Variants in SORCS3 observed in about 807,000 individuals in gnomAD.
The protein encoded by SORCS3 is VPS10 domain-containing receptor SorCS3.
A neutral mutation model predicts 146.3 loss-of-function variants in SORCS3; 57 were observed. That is an observed-to-expected ratio of 0.39 (90% CI 0.31 to 0.49). The LOEUF is 0.49. Among genes scored for constraint, SORCS3 ranks in the 20% least tolerant of loss-of-function variants. SORCS3 has a pLI of 0.92. For synonymous variants in SORCS3, 653 were observed against 618.5 expected (o/e 1.06, Z -0.83); for missense variants, 1,341 against 1,575.5 (o/e 0.85, Z 2.52).
intron 3 of SORCS3, among the ~76,000 whole-genome samples, chr10:104,976,908 G>T (rs2054901482): frequency 6.6e-6 from 1 of 151,978 alleles, no homozygotes; most frequent in Non-Finnish European, 1.5e-5. Flanking sequence ...GGGGACTGTT[G>T]TGGGGTGGGG....
chr10:104,822,135 A>G (rs1190045914), intron 1 of SORCS3: 1 of 517,820 alleles, frequency 1.9e-6, no homozygotes, highest in Admixed American at 1.9e-5. Context: ...CAGGAATCTG[A>G]TCTGTCCTCA....
At chr10:105,099,052 T>C (rs755855477) in intron 6 of SORCS3, among the ~76,000 whole-genome samples, 1 of 152,204 alleles carries the variant, frequency 6.6e-6, no homozygotes, top group Non-Finnish European at 1.5e-5. Flanking sequence ...CTTTGTTTGT[T>C]TTTAGAATCG....
chr10:104,675,138 G>T (rs185645977), intron 1 of SORCS3, among the ~76,000 whole-genome samples: 2 of 152,042 alleles, frequency 1.3e-5, no homozygotes, highest in African/African-American at 4.8e-5. Context: ...TTTTTTTAAC[G>T]TTTTTCATTT....
chr10:105,087,654 A>G (rs1035896267), intron 5 of SORCS3, among the ~76,000 whole-genome samples: 1 of 152,222 alleles, frequency 6.6e-6, no homozygotes, highest in African/African-American at 2.4e-5. Flanking sequence ...TTCAGTAAAC[A>G]CTTCAGTATC....
chr10:105,259,489 G>A lies in SORCS3; in HGVS notation c.3443+2565G>A, dbSNP rs138269562. On this transcript the variant is annotated intron_variant, in intron 25 of 26. Coordinates refer to ENST00000369701, the MANE Select transcript of SORCS3 (RefSeq NM_014978.3). ...AGTGGTCACTTGACATAGAAAAAGA[G>A]AATAGAATTACTATGAGCCTCAAGC... Among the ~76,000 whole-genome samples, 429 of 152,310 alleles carry A rather than the reference G, an allele frequency of 2.8e-3. 1 individual carries two copies. Among genetic ancestry groups the A allele is most frequent in the Admixed American group, 3.7e-3 (56 of 15,300 alleles).
intron 20 of SORCS3, among the ~76,000 whole-genome samples, chr10:105,231,907 T>G (rs11192370): frequency 6.6e-6 from 1 of 152,128 alleles, no homozygotes; most frequent in Non-Finnish European, 1.5e-5. Context: ...AATTTGCTAA[T>G]GCTTTATTGA....
intron 20 of SORCS3, among the ~76,000 whole-genome samples, chr10:105,245,011 G>A (rs2056857069): frequency 6.7e-6 from 1 of 149,694 alleles, no homozygotes; most frequent in East Asian, 2.0e-4. Flanking sequence ...GGAGGTTGCA[G>A]TGAGCCGAGA....
At chr10:104,855,658 T>G (rs1220636069) in intron 2 of SORCS3, among the ~76,000 whole-genome samples, 2 of 152,182 alleles carry the variant, frequency 1.3e-5, no homozygotes, top group Non-Finnish European at 2.9e-5. Context: ...GGATTGTCTT[T>G]TGTGTGTTGA....
rs1554889718 is a variant in SORCS3 at position 105,244,274 on chromosome 10, A to AT, written c.2869-1268_2869-1267insT. 7.5e-4 allele frequency among the ~76,000 whole-genome samples: 113 copies of AT among 150,642 alleles called. 1 individual carries two copies. The highest frequency in any genetic ancestry group is 1.8e-3 in the East Asian group (9 of 5,130). ...AAGATTCTTCTTTCCAGGAAAAAAA[A>AT]ATATATATATATATATAATTAGAGC... On this transcript the variant is annotated intron_variant, in intron 20 of 26. Transcript: ENST00000369701.
At chr10:105,231,650 T>A (rs944430253) in intron 20 of SORCS3, among the ~76,000 whole-genome samples, 1 of 152,088 alleles carries the variant, frequency 6.6e-6, no homozygotes, top group Non-Finnish European at 1.5e-5. Flanking sequence ...TTGCTATAGG[T>A]TTTTTGTAGA....
chr10:104,713,640 A>G (rs568864136), intron 1 of SORCS3, among the ~76,000 whole-genome samples: 1 of 152,318 alleles, frequency 6.6e-6, no homozygotes, highest in African/African-American at 2.4e-5. Flanking sequence ...TCTGGGATAA[A>G]TCCCATTTGG....
intron 17 of SORCS3, among the ~76,000 whole-genome samples, chr10:105,212,132 A>G (rs978641368): frequency 3.3e-5 from 5 of 152,218 alleles, no homozygotes; most frequent in Non-Finnish European, 7.3e-5. Flanking sequence ...AGTTAGGTAG[A>G]TGTAGATAGG....
chr10:104,655,323 G>A (rs2133242686), intron 1 of SORCS3, among the ~76,000 whole-genome samples: 1 of 151,806 alleles, frequency 6.6e-6, no homozygotes, highest in South Asian at 2.1e-4. Flanking sequence ...TGTTATGTAG[G>A]TAAACTCATT....
intron 16 of SORCS3, among the ~76,000 whole-genome samples, chr10:105,203,138 G>C (rs529408820): frequency 2.4e-4 from 36 of 152,240 alleles, no homozygotes; most frequent in African/African-American, 8.2e-4. Flanking sequence ...AGCCAGAGGA[G>C]TGACTCTGCT....
chr10:105,222,529 C>G (rs1250750300), intron 19 of SORCS3, among the ~76,000 whole-genome samples: 1 of 152,190 alleles, frequency 6.6e-6, no homozygotes, highest in Non-Finnish European at 1.5e-5. Context: ...GGTTACCTTT[C>G]TGCAAGCAGA....
intron 4 of SORCS3, among the ~76,000 whole-genome samples, chr10:104,980,049 A>C (rs2054923566): frequency 6.6e-6 from 1 of 152,204 alleles, no homozygotes; most frequent in Non-Finnish European, 1.5e-5. Context: ...TCTCCACAGC[A>C]CTGAGAACAT....
chr10:104,907,209 A>G (rs977370030), intron 2 of SORCS3, among the ~76,000 whole-genome samples: 29 of 151,672 alleles, frequency 1.9e-4, no homozygotes, highest in Non-Finnish European at 4.1e-4. Flanking sequence ...TGTTCATATC[A>G]ACAGAGATGC....
chr10:104,806,032 G>C (rs768503399), intron 1 of SORCS3, among the ~76,000 whole-genome samples: 7 of 152,144 alleles, frequency 4.6e-5, no homozygotes, highest in Non-Finnish European at 8.8e-5. Flanking sequence ...AGATAAGTTT[G>C]GAATATTTGG....
At chr10:105,121,649 C>G (rs1325908807) in intron 7 of SORCS3, among the ~76,000 whole-genome samples, 1 of 152,190 alleles carries the variant, frequency 6.6e-6, no homozygotes, top group African/African-American at 2.4e-5. Flanking sequence ...ATTCAGTGGA[C>G]TCTTTCTCAG....
Sources: gnomAD v4.1 joint callset for allele counts (sites outside exome capture counted in the v4.1 genomes callset) on GRCh38, gnomAD v4.1.1 for gene constraint, MANE v1.5 for transcripts, NCBI Gene and HGNC (gene_info 2026-07-23, HGNC 2026-07-21) for gene names.